Variants in CKAP5 observed in about 807,000 individuals in gnomAD.
CKAP5 encodes cytoskeleton associated protein 5, also known as cytoskeleton-associated protein 5.
A neutral mutation model predicts 232.8 loss-of-function variants in CKAP5; 27 were observed. That is an observed-to-expected ratio of 0.12 (90% CI 0.09 to 0.16). The LOEUF is 0.16. CKAP5 is among the 10% of genes least tolerant of loss of function. The pLI is 1.00. For synonymous variants in CKAP5, 785 were observed against 841.1 expected (o/e 0.93, Z 1.16); for missense variants, 1,838 against 2,424.7 (o/e 0.76, Z 5.08).
Position 46,780,183 on chromosome 11 carries a change from G to A in CKAP5, c.2433+11C>T. 1.2e-6 allele frequency: 2 copies of A among 1,613,760 alleles called. No homozygotes were observed. Among genetic ancestry groups the A allele is most frequent in the Non-Finnish European group, 1.7e-6 (2 of 1,179,822 alleles). On this transcript the variant is annotated intron_variant, in intron 20 of 43. Transcript: ENST00000529230. ...TCCACTAACAGATTGTATCATTTGT[G>A]GAAATTCTACCTTCTCAAATTCTGC...
intron 9 of CKAP5, 51 bp downstream of exon 9, chr11:46,801,149 C>T: frequency 7.5e-7 from 1 of 1,329,530 alleles, no homozygotes; most frequent in South Asian, 1.2e-5. Context: ...ACTAGGCCTA[C>T]CATTTTTGAT....
chr11:46,820,061 C>CA (rs1939492476), intron 2 of CKAP5, among the ~76,000 whole-genome samples: 1 of 151,940 alleles, frequency 6.6e-6, no homozygotes, highest in Non-Finnish European at 1.5e-5. Context: ...ATTAACCAAT[C>CA]AAAAATCGGA....
chr11:46,800,073 A>G (rs932340865), intron 9 of CKAP5, among the ~76,000 whole-genome samples: 1 of 152,180 alleles, frequency 6.6e-6, no homozygotes, highest in Non-Finnish European at 1.5e-5. Flanking sequence ...TTTTATCTTG[A>G]AAAATTATTC....
chr11:46,749,808 T>G (rs11038985), intron 42 of CKAP5, among the ~76,000 whole-genome samples: 23,761 of 150,550 alleles, frequency 0.16, 2,941 homozygotes, highest in African/African-American at 0.35. Context: ...AAAATTAGCC[T>G]GGCGTGGTGG....
chr11:46,821,961 C>T (rs11038999), intron 1 of CKAP5, among the ~76,000 whole-genome samples: 21,068 of 151,968 alleles, frequency 0.14, 2,453 homozygotes, highest in East Asian at 0.6. Flanking sequence ...ATCGCTTGAA[C>T]CTGGGAGGAG....
chr11:46,786,813 G>A (rs749094307), intron 16 of CKAP5, among the ~76,000 whole-genome samples: 1 of 151,992 alleles, frequency 6.6e-6, no homozygotes, highest in Admixed American at 6.6e-5. Flanking sequence ...GACCCAGCGC[G>A]CACACACACA....
rs1323557332 is a variant in CKAP5, at chr11:46,780,503, A to T, written c.2250-18T>A. 1 of 1,604,616 alleles carries T rather than the reference A, an allele frequency of 6.2e-7. No individual in the cohort carries two copies. The highest frequency in any genetic ancestry group is 1.3e-5 in the African/African-American group (1 of 74,874). ...CATTCAACCTAGAAGAAACATTTAGAATTAAAAGCAAACAAATGAAACCCT... is the reference window on the plus strand; with the variant it reads ...CATTCAACCTAGAAGAAACATTTAGTATTAAAAGCAAACAAATGAAACCCT... On this transcript the variant is annotated intron_variant, in intron 18 of 43. Coordinates refer to ENST00000529230, the MANE Select transcript of CKAP5 (RefSeq NM_001008938.4).
intron 34 of CKAP5, 36 bp downstream of exon 34, chr11:46,759,233 G>C (rs2065136707): frequency 6.3e-7 from 1 of 1,591,754 alleles, no homozygotes; most frequent in Non-Finnish European, 8.6e-7. Flanking sequence ...TGATCATCAT[G>C]AACTGCTCAT....
chr11:46,834,198 C>T (rs185699919), intron 1 of CKAP5, among the ~76,000 whole-genome samples: 1 of 152,116 alleles, frequency 6.6e-6, no homozygotes, highest in East Asian at 1.9e-4. Flanking sequence ...CTTAAACAAA[C>T]CTATATTTCA....
At chr11:46,790,304 G>T (rs1938686766) in intron 14 of CKAP5, 118 bp from the exon 15 acceptor site, 1 of 806,226 alleles carries the variant, frequency 1.2e-6, no homozygotes, top group Non-Finnish European at 2.0e-6. Context: ...TATAGTTTCT[G>T]AGGCTTCTAT....
rs1166734686 is a variant in CKAP5 at position 46,835,482 on chromosome 11, G to GA, written c.-38+10737dup. Among the ~76,000 whole-genome samples, 386 of 144,046 alleles carry GA rather than the reference G, an allele frequency of 2.7e-3. 2 individuals carry two copies. Among genetic ancestry groups the GA allele is most frequent in the African/African-American group, 8.9e-3 (352 of 39,336 alleles). 94.5% of individuals were successfully genotyped at this position (144,046 alleles called of 152,430 possible). A position where few individuals can be genotyped will look rare whatever the true frequency, so the allele number is the denominator to read the frequency against. On this transcript the variant is annotated intron_variant, in intron 1 of 43. Coordinates refer to ENST00000529230, the MANE Select transcript of CKAP5 (RefSeq NM_001008938.4). ...CAGAAAATAAGAAAGTGTTCAAAAA[G>GA]AAAAAAAAAATTAAAAAGATGGGGG...
intron 18 of CKAP5, among the ~76,000 whole-genome samples, chr11:46,781,282 G>A (rs2065339554): frequency 6.6e-6 from 1 of 152,076 alleles, no homozygotes; most frequent in Non-Finnish European, 1.5e-5. Context: ...TATCTTATCA[G>A]TTATAACACT....
At chr11:46,816,734 T>C (rs1041068615) in intron 3 of CKAP5, among the ~76,000 whole-genome samples, 1 of 152,104 alleles carries the variant, frequency 6.6e-6, no homozygotes, top group Admixed American at 6.6e-5. Flanking sequence ...TGTGTGTATA[T>C]GGACATACAA....
chr11:46,780,607 T>A, intron 18 of CKAP5, 122 bp from the exon 19 acceptor site: 1 of 708,978 alleles, frequency 1.4e-6, no homozygotes, highest in Non-Finnish European at 2.4e-6. Flanking sequence ...TTTCTCTTCC[T>A]ACACTAACTT....
At position 46,790,490 on chromosome 11, in the gene CKAP5, T is replaced by C; in HGVS notation, c.1744A>G (p.Ile582Val). ...CTGACCGAGAGCTCAGGCTCCACTA[T>C]TTCTTTAGTCTCCAGTCCTTTCTTG... Reference protein sequence around the residue: ...KNKKGLETKEIVEPELSIEVC... With the variant: ...KNKKGLETKEVVEPELSIEVC... The change falls in exon 14 of 44, where the codon ATA (isoleucine) becomes GTA (valine). Residue 582 changes from isoleucine (I) to valine (V), a missense_variant. By Grantham distance (29) the Ile-to-Val change is conservative. Transcript: ENST00000529230. The C allele has an allele frequency of 6.2e-7, 1 of 1,613,320 alleles. No individual in the cohort carries two copies. The highest frequency in any genetic ancestry group is 1.7e-5 in the Admixed American group (1 of 60,002).
At chr11:46,778,056 TGCAAGTGAAGG>T in intron 22 of CKAP5, 72 bp downstream of exon 22, 2 of 1,113,520 alleles carry the variant, frequency 1.8e-6, no homozygotes, top group African/African-American at 3.2e-5. Context: ...ACTTATTTTT[TGCAAGTGAAGG>T]CTACACTGAA....
chr11:46,768,343 ACCAAGC>A (rs1305924942), intron 26 of CKAP5, among the ~76,000 whole-genome samples: 5 of 149,660 alleles, frequency 3.3e-5, no homozygotes, highest in African/African-American at 1.2e-4. Flanking sequence ...GGCGTGCACC[ACCAAGC>A]CCAACTAATT....
chr11:46,818,155 A>G (rs1383885626), intron 3 of CKAP5, among the ~76,000 whole-genome samples, 155 bp downstream of exon 3: 1 of 152,224 alleles, frequency 6.6e-6, no homozygotes, highest in Non-Finnish European at 1.5e-5. Context: ...TCTGAGAATA[A>G]AGACTGAATG....
chr11:46,763,988 A>T (rs1420353713), intron 28 of CKAP5, among the ~76,000 whole-genome samples: 1 of 152,128 alleles, frequency 6.6e-6, no homozygotes, highest in Non-Finnish European at 1.5e-5. Context: ...GACATGCACC[A>T]CTATGCCCAG....
Sources: allele counts gnomAD v4.1 joint callset (sites outside exome capture counted in the v4.1 genomes callset), GRCh38; gene constraint gnomAD v4.1.1; transcripts MANE v1.5; gene names NCBI Gene and HGNC (gene_info 2026-07-23, HGNC 2026-07-21).